The following NRXN1 variants were observed in gnomAD, a reference collection of about 807,000 sequenced individuals.
NRXN1 encodes neurexin-1.
NRXN1 carries 39 observed loss-of-function variants against 150.9 expected under a neutral mutation model. The ratio of observed to expected loss-of-function variants is 0.26; its 90% CI spans 0.20 to 0.34. The LOEUF (loss-of-function observed/expected upper bound fraction) is 0.34. Among genes scored for constraint, NRXN1 ranks in the 10% least tolerant of loss-of-function variants. NRXN1 has a pLI of 1.00. For missense variants in NRXN1, 1,815 were observed against 1,949.9 expected (o/e 0.93, Z 1.30); for synonymous variants, 924 against 757.0 (o/e 1.22, Z -3.62).
At chr2:50,566,662 G>A (rs1454237710) in intron 8 of NRXN1, among the ~76,000 whole-genome samples, 1 of 152,090 alleles carries the variant, frequency 6.6e-6, no homozygotes, top group African/African-American at 2.4e-5. Flanking sequence ...ACAGTCTTAT[G>A]AAGTAGACAT....
intron 15 of NRXN1, among the ~76,000 whole-genome samples, chr2:50,477,496 GCGGTAGAGATTTCCT>G: frequency 6.6e-6 from 1 of 152,236 alleles, no homozygotes; most frequent in Middle Eastern, 3.4e-3. Flanking sequence ...GACAAATGAC[GCGGTAGAGATTTCCT>G]CTTCACTTAA....
In NRXN1 at chr2:51,027,553, C is replaced by A; in HGVS notation, c.721G>T (p.Ala241Ser). 2.5e-6 allele frequency: 4 copies of A among 1,592,960 alleles called. No individual in the cohort carries two copies. The highest frequency in any genetic ancestry group is 3.4e-6 in the Non-Finnish European group (4 of 1,165,944). The part of the protein sequence containing the change: ...GGVCSVVDDQ[A>S]VCDCSRTGFR... ...CCGGTTCGCGAGCAGTCGCACACGG[C>A]CTGGTCGTCCACCACGGAGCACACA... Residue 241 changes from alanine (A) to serine (S), a missense_variant, in exon 2 of 23, where the codon GCC becomes TCC. Coordinates refer to ENST00000401669, the MANE Select transcript of NRXN1 (RefSeq NM_001330078.2).
At chr2:50,163,045 A>C (rs911639291) in intron 18 of NRXN1, among the ~76,000 whole-genome samples, 1 of 151,616 alleles carries the variant, frequency 6.6e-6, no homozygotes, top group South Asian at 2.1e-4. Context: ...AATTTAAAAC[A>C]TTTATCAATT....
chr2:50,515,205 G>A (rs765534738), intron 12 of NRXN1, among the ~76,000 whole-genome samples: 3 of 152,126 alleles, frequency 2.0e-5, no homozygotes, highest in Non-Finnish European at 4.4e-5. Flanking sequence ...AGGGATCTAG[G>A]TTTCATGCTC....
intron 17 of NRXN1, among the ~76,000 whole-genome samples, chr2:50,415,005 C>T (rs1343813435): frequency 1.3e-5 from 2 of 152,110 alleles, no homozygotes; most frequent in African/African-American, 4.8e-5. Flanking sequence ...TTTCCCATTA[C>T]TCTCTTGTCA....
chr2:50,701,522 C>G (rs2104964442), intron 5 of NRXN1, among the ~76,000 whole-genome samples: 1 of 152,268 alleles, frequency 6.6e-6, no homozygotes. Flanking sequence ...TTGCATTTTT[C>G]TGAATGGTAT....
intron 18 of NRXN1, among the ~76,000 whole-genome samples, chr2:50,098,833 T>C (rs796841460): frequency 0.027 from 140 of 5,182 alleles, 1 homozygote; most frequent in Non-Finnish European, 0.045. Context: ...GGTTTTAGTT[T>C]TTTTTTTTTT....
In NRXN1 at chr2:51,006,205, C is replaced by G. The variant is rs369994156; in HGVS notation, c.772+21297G>C. On this transcript the variant is annotated intron_variant, in intron 2 of 22. Transcript: ENST00000401669. Reference sequence around the variant, plus strand: ...AATTTCCTTTCCATTTAAGACCTACCTATGCAGCCATAAAAAATGATGAGT... The same window carrying G: ...AATTTCCTTTCCATTTAAGACCTACGTATGCAGCCATAAAAAATGATGAGT... Among the ~76,000 whole-genome samples the G allele has an allele frequency of 6.4e-4, 97 of 151,834 alleles. No homozygotes were observed. The East Asian group carries it at 0.018, about 29-fold the overall frequency.
chr2:50,549,011 T>C (rs1380612400), intron 9 of NRXN1, among the ~76,000 whole-genome samples: 1 of 152,130 alleles, frequency 6.6e-6, no homozygotes, highest in Non-Finnish European at 1.5e-5. Context: ...AAGGAGCCCA[T>C]GTTACCCTCT....
At chr2:50,236,692 C>T in intron 18 of NRXN1, 97 bp downstream of exon 18, 2 of 1,057,596 alleles carry the variant, frequency 1.9e-6, no homozygotes, top group Non-Finnish European at 1.4e-6. Context: ...GTACTGGTTT[C>T]TGGGGGAAGG....
chr2:50,386,356 T>A (rs944968279), intron 17 of NRXN1, among the ~76,000 whole-genome samples: 1 of 152,118 alleles, frequency 6.6e-6, no homozygotes, highest in Non-Finnish European at 1.5e-5. Flanking sequence ...CTTAGATTTT[T>A]TTTTCAAATT....
At chr2:50,149,120 A>G (rs558360991) in intron 18 of NRXN1, among the ~76,000 whole-genome samples, 59 of 151,878 alleles carry the variant, frequency 3.9e-4, no homozygotes, top group African/African-American at 1.4e-3. Flanking sequence ...ATTGCTATGA[A>G]AGAGGCTATT....
At chr2:50,058,950 T>A (rs562663804) in intron 19 of NRXN1, among the ~76,000 whole-genome samples, 1 of 152,280 alleles carries the variant, frequency 6.6e-6, no homozygotes, top group East Asian at 1.9e-4. Flanking sequence ...GTCTTGGGTA[T>A]TTCTTCACAG....
intron 5 of NRXN1, among the ~76,000 whole-genome samples, chr2:50,804,618 T>C (rs1177878428): frequency 2.0e-5 from 3 of 152,152 alleles, no homozygotes; most frequent in African/African-American, 7.2e-5. Flanking sequence ...ACTGTGCACT[T>C]TGAACAAAAG....
At chr2:50,300,782 G>A (rs1223691266) in intron 17 of NRXN1, among the ~76,000 whole-genome samples, 6 of 152,214 alleles carry the variant, frequency 3.9e-5, no homozygotes, top group Middle Eastern at 3.4e-3. Context: ...TGCAATCTCC[G>A]CCTCCCAGGT....
chr2:50,320,255 A>T (rs2075914089), intron 17 of NRXN1, among the ~76,000 whole-genome samples: 1 of 136,358 alleles, frequency 7.3e-6, no homozygotes, highest in African/African-American at 2.7e-5. Context: ...TTTTTTAAAA[A>T]GGTATTCATT....
chr2:49,965,690 G>T (rs948544782), intron 21 of NRXN1, among the ~76,000 whole-genome samples: 8 of 152,116 alleles, frequency 5.3e-5, no homozygotes, highest in Non-Finnish European at 1.0e-4. Flanking sequence ...TTTTCTCAGA[G>T]GATCTCATTT....
intron 5 of NRXN1, among the ~76,000 whole-genome samples, chr2:50,831,600 T>A (rs1671416198): frequency 6.6e-6 from 1 of 152,210 alleles, no homozygotes; most frequent in African/African-American, 2.4e-5. Context: ...ATAAATATGT[T>A]AAGATATGTA....
At chr2:50,229,439 C>CT (rs1271606892) in intron 18 of NRXN1, among the ~76,000 whole-genome samples, 1 of 151,794 alleles carries the variant, frequency 6.6e-6, no homozygotes, top group East Asian at 1.9e-4. Flanking sequence ...GTCTTTGTTT[C>CT]TTTTTTTCTT....
Sources: gnomAD v4.1 joint callset for allele counts (sites outside exome capture counted in the v4.1 genomes callset) on GRCh38, gnomAD v4.1.1 for gene constraint, MANE v1.5 for transcripts, NCBI Gene and HGNC (gene_info 2026-07-23, HGNC 2026-07-21) for gene names.